PLA2G5: variants seen among roughly 807,000 people sequenced by gnomAD.
PLA2G5 encodes the protein Ca2+-dependent phospholipase A2.
A neutral mutation model predicts 15.9 loss-of-function variants in PLA2G5; 12 were observed. The observed-to-expected ratio is 0.76, with a 90% CI of 0.48 to 1.23. The LOEUF (loss-of-function observed/expected upper bound fraction) is 1.23, where lower values mean the gene tolerates loss of function less well. PLA2G5 is among the 50% of genes most tolerant of loss of function. PLA2G5 has a pLI of 0.00. For missense variants in PLA2G5, 169 were observed against 177.1 expected (o/e 0.95, Z 0.26); for synonymous variants, 71 against 71.4 (o/e 0.99, Z 0.03).
chr1:20,083,702 A>AC (rs937127022), intron 1 of PLA2G5, among the ~76,000 whole-genome samples: 41 of 151,660 alleles, frequency 2.7e-4, no homozygotes, highest in Admixed American at 1.9e-3. Flanking sequence ...ACAAACACAG[A>AC]CCCCTAAAGG....
At chr1:20,043,070 G>T (rs1383395228) in intron 1 of PLA2G5, among the ~76,000 whole-genome samples, 2 of 152,154 alleles carry the variant, frequency 1.3e-5, no homozygotes, top group African/African-American at 4.8e-5. Context: ...TACAGCCTAG[G>T]TATGTTGTTG....
At chr1:20,081,341 C>G (rs11573247) in intron 1 of PLA2G5, among the ~76,000 whole-genome samples, 4 of 151,946 alleles carry the variant, frequency 2.6e-5, no homozygotes, top group Non-Finnish European at 5.9e-5. Context: ...CTTTTTTACT[C>G]TTTCCAGGGT....
intron 1 of PLA2G5, among the ~76,000 whole-genome samples, chr1:20,048,080 T>C (rs1389681350): frequency 6.6e-6 from 1 of 152,198 alleles, no homozygotes; most frequent in African/African-American, 2.4e-5. Flanking sequence ...CACATCTATC[T>C]ATTTATGTGT....
intron 2 of PLA2G5, among the ~76,000 whole-genome samples, chr1:20,061,982 A>G (rs1460135440): frequency 6.6e-6 from 1 of 152,200 alleles, no homozygotes; most frequent in African/African-American, 2.4e-5. Context: ...TCCCTCAAGA[A>G]TGGCTTGGGC....
chr1:20,053,569 G>GC (rs2014278679), intron 1 of PLA2G5, among the ~76,000 whole-genome samples: 1 of 73,712 alleles, frequency 1.4e-5, no homozygotes, highest in Non-Finnish European at 3.0e-5. Flanking sequence ...GTATTACTTT[G>GC]CGGGGGGGGG....
intron 3 of PLA2G5, among the ~76,000 whole-genome samples, chr1:20,089,203 A>G (rs1156739935): frequency 6.6e-6 from 1 of 152,248 alleles, no homozygotes; most frequent in Admixed American, 6.5e-5. Flanking sequence ...ATGACAAGAA[A>G]AAAGACTGTA....
intron 2 of PLA2G5, 130 bp downstream of exon 2, chr1:20,085,000 A>C (rs2016213354): frequency 1.3e-6 from 1 of 752,296 alleles, no homozygotes; most frequent in African/African-American, 1.7e-5. Flanking sequence ...GACTGCATAG[A>C]CATTCAGCAA....
intron 3 of PLA2G5, among the ~76,000 whole-genome samples, chr1:20,086,904 T>C (rs780042209): frequency 1.3e-5 from 2 of 152,222 alleles, no homozygotes; most frequent in East Asian, 1.9e-4. Context: ...TTGGAAAGCA[T>C]ACCCAACTGG....
intron 3 of PLA2G5, 33 bp downstream of exon 3, chr1:20,086,260 C>T: frequency 6.2e-7 from 1 of 1,608,746 alleles, no homozygotes; most frequent in Non-Finnish European, 8.5e-7. Flanking sequence ...CCTTTAGGCT[C>T]CAGGCTCTGC....
At chr1:20,085,336 C>G (rs1469118595) in intron 2 of PLA2G5, among the ~76,000 whole-genome samples, 2 of 152,066 alleles carry the variant, frequency 1.3e-5, no homozygotes, top group African/African-American at 4.8e-5. Flanking sequence ...CATCCTGCGG[C>G]CCCGTGACCG....
chr1:20,080,276 C>A (rs2015935817), intron 1 of PLA2G5, among the ~76,000 whole-genome samples: 1 of 152,116 alleles, frequency 6.6e-6, no homozygotes, highest in Non-Finnish European at 1.5e-5. Flanking sequence ...CTCCTGATAG[C>A]CACCTGGGCA....
chr1:20,033,085 C>T (rs530435629), intron 1 of PLA2G5, among the ~76,000 whole-genome samples: 4 of 152,046 alleles, frequency 2.6e-5, no homozygotes, highest in Non-Finnish European at 4.4e-5. Context: ...ATTGGTTAAC[C>T]CTTTCCTTTT....
At chr1:20,041,547 T>C (rs1432197764) in intron 1 of PLA2G5, among the ~76,000 whole-genome samples, 1 of 152,150 alleles carries the variant, frequency 6.6e-6, no homozygotes, top group African/African-American at 2.4e-5. Flanking sequence ...GGAGGGGGCC[T>C]GAACAATCCC....
intron 3 of PLA2G5, among the ~76,000 whole-genome samples, chr1:20,087,626 C>T (rs1231026483): frequency 2.0e-5 from 3 of 152,048 alleles, no homozygotes; most frequent in African/African-American, 7.3e-5. Context: ...AACAAGCACA[C>T]TTAATGCCTA....
At chr1:20,076,619 G>A (rs558077458) in intron 1 of PLA2G5, 7 of 152,282 alleles carry the variant, frequency 4.6e-5, no homozygotes, top group Admixed American at 2.6e-4. Flanking sequence ...GGATCATAAT[G>A]CCCCATGAGA....
At chr1:20,078,030 C>T (rs3767230) in intron 1 of PLA2G5, among the ~76,000 whole-genome samples, 42,877 of 152,032 alleles carry the variant, frequency 0.28, 6,134 homozygotes, top group East Asian at 0.35. Context: ...CCCACAAACA[C>T]ACCTGCATTT....
At chr1:20,063,906 C>A (rs190890812) in intron 2 of PLA2G5, among the ~76,000 whole-genome samples, 1 of 152,214 alleles carries the variant, frequency 6.6e-6, no homozygotes. Context: ...TTAAGACTCT[C>A]CTTCAAGTAA....
At chr1:20,072,272 G>A (rs2015418570) in intron 1 of PLA2G5, among the ~76,000 whole-genome samples, 1 of 152,110 alleles carries the variant, frequency 6.6e-6, no homozygotes. Context: ...TCTATTTCTG[G>A]CTTCTCCCTC....
At position 20,051,594 on chromosome 1, in the gene PLA2G5, A is replaced by G. The variant is rs570346196; in HGVS notation, n.277-8038A>G. Among the ~76,000 whole-genome samples, 23 of 152,362 alleles carry G rather than the reference A, an allele frequency of 1.5e-4. 1 individual carries two copies. Among genetic ancestry groups the G allele is most frequent in the African/African-American group, 5.0e-4 (21 of 41,592 alleles). On this transcript the variant is annotated intron_variant and non_coding_transcript_variant, in intron 1 of 6. Transcript: ENST00000460175. ...CAGAATTTGGAAACTATTTGTGGGT[A>G]TTCATAACTTATGGCAATACAGTTA... is the stretch of plus-strand genomic sequence containing the variant.
Sources: allele counts gnomAD v4.1 joint callset (sites outside exome capture counted in the v4.1 genomes callset), GRCh38; gene constraint gnomAD v4.1.1; transcripts MANE v1.5; gene names NCBI Gene and HGNC (gene_info 2026-07-23, HGNC 2026-07-21).